AHR: variants seen among roughly 807,000 people sequenced by gnomAD.
The protein encoded by AHR is aryl hydrocarbon receptor, also known as AH-receptor.
AHR carries 40 observed loss-of-function variants against 86.8 expected under a neutral mutation model. That is an observed-to-expected ratio of 0.46 (90% CI 0.36 to 0.60). AHR has a LOEUF of 0.60. Among genes scored for constraint, AHR ranks in the 20% least tolerant of loss-of-function variants. The probability of loss-of-function intolerance (pLI) is 0.00; values close to 1 mark genes in which losing one functional copy is unlikely to be tolerated. For missense variants in AHR, 1,001 were observed against 1,011.6 expected (o/e 0.99, Z 0.14); for synonymous variants, 398 against 354.9 (o/e 1.12, Z -1.37).
chr7:17,302,808 A>AT (rs557553884), intron 1 of AHR, among the ~76,000 whole-genome samples: 40 of 150,558 alleles, frequency 2.7e-4, no homozygotes, highest in African/African-American at 9.6e-4. Context: ...GAACAAAAAA[A>AT]AAATATATAT....
intron 2 of AHR, among the ~76,000 whole-genome samples, chr7:17,311,923 T>C (rs1782068943): frequency 6.6e-6 from 1 of 152,188 alleles, no homozygotes; most frequent in Admixed American, 6.5e-5. Context: ...ACTGAGGATT[T>C]TTTCCTAGAC....
intron 6 of AHR, among the ~76,000 whole-genome samples, chr7:17,332,462 A>C (rs1480994136): frequency 6.6e-6 from 1 of 151,880 alleles, no homozygotes; most frequent in Non-Finnish European, 1.5e-5. Context: ...GTGGGACAAG[A>C]TGTAGAGGTG....
At chr7:17,335,537 G>T (rs1293610099) in intron 8 of AHR, 108 bp from the exon 9 acceptor site, 2 of 881,316 alleles carry the variant, frequency 2.3e-6, no homozygotes, top group Admixed American at 3.4e-5. Context: ...TGTCTTTGGG[G>T]ATAAAGGAAA....
chr7:17,333,559 G>A (rs1782322344), intron 6 of AHR, among the ~76,000 whole-genome samples: 2 of 151,866 alleles, frequency 1.3e-5, no homozygotes, highest in Non-Finnish European at 2.9e-5. Flanking sequence ...TTTACTTTAG[G>A]ACTTTATCAC....
chr7:17,305,809 A>G (rs1781999881), intron 1 of AHR, among the ~76,000 whole-genome samples: 1 of 152,174 alleles, frequency 6.6e-6, no homozygotes, highest in African/African-American at 2.4e-5. Context: ...GCTTTGCTTC[A>G]AACACTGGCT....
chr7:17,313,826 G>A (rs1584032444), intron 2 of AHR, among the ~76,000 whole-genome samples: 1 of 151,990 alleles, frequency 6.6e-6, no homozygotes, highest in African/African-American at 2.4e-5. Context: ...TTTATTAATA[G>A]AGACTAGGAT....
rs1167918422 is a variant in AHR, at chr7:17,345,785, G to A, written c.*2721G>A. On this transcript the variant is annotated 3_prime_UTR_variant, in exon 11 of 11. Coordinates refer to ENST00000242057, the MANE Select transcript of AHR (RefSeq NM_001621.5). Reference sequence around the variant, plus strand: ...CGTTAAACCAAATACACGTTTGTCTGTATTGTTAAGTGCCAAACAAAGGAT... The same window carrying A: ...CGTTAAACCAAATACACGTTTGTCTATATTGTTAAGTGCCAAACAAAGGAT... The A allele has an allele frequency of 6.5e-6, 1 of 152,704 alleles. No homozygotes were observed. The highest frequency in any genetic ancestry group is 2.4e-5 in the African/African-American group (1 of 41,450). The allele number at this position is 152,704 out of a possible 1,614,324, so 9.5% of individuals were successfully genotyped here.
chr7:17,333,196 C>A (rs1295161770), intron 6 of AHR, among the ~76,000 whole-genome samples: 1 of 151,828 alleles, frequency 6.6e-6, no homozygotes, highest in African/African-American at 2.4e-5. Context: ...ACAGAACATG[C>A]CCCTTTTGTT....
At chr7:17,309,439 A>C (rs987841198) in intron 1 of AHR, among the ~76,000 whole-genome samples, 1 of 152,224 alleles carries the variant, frequency 6.6e-6, no homozygotes, top group Non-Finnish European at 1.5e-5. Flanking sequence ...TAATGAGTTG[A>C]AAGTAAATAA....
Position 17,338,843 on chromosome 7 carries a change from A to T in AHR, c.1161-143A>T, listed in dbSNP as rs184914819. On this transcript the variant is annotated intron_variant, in intron 9 of 10. Transcript: ENST00000242057. The stretch of plus-strand genomic sequence containing the variant: ...ACAATTTTATAGCACCAGTCATGAG[A>T]ATAATTGAGGTGAAAATAAAATATG... 4 of 777,934 alleles carry T rather than the reference A, an allele frequency of 5.1e-6. No homozygotes were observed. The East Asian group carries it at 1.1e-4, about 22-fold the overall frequency. The allele number at this position is 777,934 out of a possible 1,614,324, so 48.2% of individuals were successfully genotyped here.
chr7:17,301,773 T>G (rs1781957038), intron 1 of AHR, among the ~76,000 whole-genome samples: 1 of 151,974 alleles, frequency 6.6e-6, no homozygotes, highest in Non-Finnish European at 1.5e-5. Flanking sequence ...TCCAACATAG[T>G]AGACTCTCAA....
chr7:17,319,896 A>C (rs990072914), intron 2 of AHR, among the ~76,000 whole-genome samples: 2 of 152,232 alleles, frequency 1.3e-5, no homozygotes, highest in Middle Eastern at 3.4e-3. Flanking sequence ...TGATTTTAAA[A>C]GTCCACCCTT....
chr7:17,302,869 A>G (rs1187046329), intron 1 of AHR, among the ~76,000 whole-genome samples: 1 of 151,920 alleles, frequency 6.6e-6, no homozygotes, highest in Non-Finnish European at 1.5e-5. Flanking sequence ...ACAGAAACGT[A>G]AATTCTATTC....
chr7:17,325,860 C>T (rs1157808945), intron 3 of AHR, among the ~76,000 whole-genome samples: 6 of 152,116 alleles, frequency 3.9e-5, no homozygotes, highest in African/African-American at 1.2e-4. Context: ...GGCTTAATAC[C>T]TGGGTGATGA....
intron 2 of AHR, among the ~76,000 whole-genome samples, chr7:17,315,072 A>G (rs1301312672): frequency 6.6e-6 from 1 of 152,052 alleles, no homozygotes; most frequent in East Asian, 1.9e-4. Flanking sequence ...GATAACTTTC[A>G]TAGCTAAAAC....
At chr7:17,323,218 T>C (rs1221170025) in intron 3 of AHR, among the ~76,000 whole-genome samples, 2 of 152,170 alleles carry the variant, frequency 1.3e-5, no homozygotes, top group Non-Finnish European at 1.5e-5. Context: ...TTTAAGATGT[T>C]GAATTTATAT....
intron 1 of AHR, among the ~76,000 whole-genome samples, chr7:17,303,717 G>C (rs562647155): frequency 6.6e-6 from 1 of 151,952 alleles, no homozygotes; most frequent in Admixed American, 6.6e-5. Context: ...CCCTTGGGAC[G>C]TGTAAATTTT....
chr7:17,342,822 CAG>C (rs532952720), intron 10 of AHR, 97 bp from the exon 11 acceptor site: 16 of 1,191,712 alleles, frequency 1.3e-5, no homozygotes, highest in East Asian at 2.4e-5. Flanking sequence ...TTACAACTCT[CAG>C]GGGTAAGATT....
intron 7 of AHR, among the ~76,000 whole-genome samples, 198 bp downstream of exon 7, chr7:17,334,312 C>G (rs1003830198): frequency 6.6e-6 from 1 of 151,948 alleles, no homozygotes; most frequent in Non-Finnish European, 1.5e-5. Context: ...TTTTGCAATA[C>G]TTGTCTCAAA....
Sources: gnomAD v4.1 joint callset for allele counts (sites outside exome capture counted in the v4.1 genomes callset) on GRCh38, gnomAD v4.1.1 for gene constraint, MANE v1.5 for transcripts, NCBI Gene and HGNC (gene_info 2026-07-23, HGNC 2026-07-21) for gene names.